UGT1A10: variants seen among roughly 807,000 people sequenced by gnomAD.
UGT1A10 encodes UDP glucuronosyltransferase family 1 member A10, also known as UDP-glucuronosyltransferase 1A10.
A neutral mutation model predicts 45.8 loss-of-function variants in UGT1A10; 49 were observed. That is an observed-to-expected ratio of 1.07 (90% confidence interval 0.85 to 1.36). The LOEUF (loss-of-function observed/expected upper bound fraction) is 1.36. Among genes scored for constraint, UGT1A10 ranks in the 40% most tolerant of loss-of-function variants. The probability of loss-of-function intolerance (pLI) is 0.00; values close to 1 mark genes in which losing one functional copy is unlikely to be tolerated. For synonymous variants in UGT1A10, 284 were observed against 249.7 expected, an observed-to-expected ratio of 1.14 and a Z score of -1.29; for missense variants, 745 against 668.6, an observed-to-expected ratio of 1.11 and a Z score of -1.26.
intron 1 of UGT1A10, among the ~76,000 whole-genome samples, chr2:233,656,193 C>A (rs1385264592): frequency 1.3e-5 from 2 of 152,202 alleles, no homozygotes; most frequent in African/African-American, 4.8e-5. Flanking sequence ...TTACATATGA[C>A]CCGTGTTCAC....
intron 1 of UGT1A10, among the ~76,000 whole-genome samples, chr2:233,688,255 A>G (rs2074884672): frequency 6.6e-6 from 1 of 152,210 alleles, no homozygotes; most frequent in South Asian, 2.1e-4. Context: ...TCATTCCTTT[A>G]CATGGCCGAA....
At chr2:233,682,865 A>C in intron 1 of UGT1A10, 1 of 1,527,428 alleles carries the variant, frequency 6.5e-7, no homozygotes, top group Non-Finnish European at 8.8e-7. Flanking sequence ...ACAGAATCAT[A>C]ATTTATCATT....
intron 1 of UGT1A10, among the ~76,000 whole-genome samples, chr2:233,764,040 T>A (rs1199805174): frequency 6.6e-6 from 1 of 152,160 alleles, no homozygotes; most frequent in East Asian, 1.9e-4. Flanking sequence ...AAAGAAGAAT[T>A]CTGGGAAAAT....
At chr2:233,661,926 T>C (rs1485809695) in intron 1 of UGT1A10, among the ~76,000 whole-genome samples, 1 of 152,062 alleles carries the variant, frequency 6.6e-6, no homozygotes, top group Non-Finnish European at 1.5e-5. Flanking sequence ...GTGAGATCAG[T>C]GTTTACTGTG....
chr2:233,709,539 A>G (rs537926734), intron 1 of UGT1A10, among the ~76,000 whole-genome samples: 8 of 152,276 alleles, frequency 5.3e-5, no homozygotes, highest in Non-Finnish European at 5.9e-5. Flanking sequence ...CTACTGTGAT[A>G]TATGTAAGTA....
At chr2:233,697,514 T>A (rs1185540245) in intron 1 of UGT1A10, among the ~76,000 whole-genome samples, 5 of 151,616 alleles carry the variant, frequency 3.3e-5, no homozygotes, top group African/African-American at 1.2e-4. Flanking sequence ...TTTTTTTTTT[T>A]TAAAAAACTT....
chr2:233,669,644 G>A (rs758766345), intron 1 of UGT1A10, among the ~76,000 whole-genome samples: 1 of 152,056 alleles, frequency 6.6e-6, no homozygotes, highest in East Asian at 1.9e-4. Context: ...ACCAACCCCC[G>A]AGCAGTAAAA....
intron 1 of UGT1A10, chr2:233,754,156 G>C (rs1695408372): frequency 6.5e-6 from 1 of 153,422 alleles, no homozygotes; most frequent in African/African-American, 2.4e-5. Flanking sequence ...AATTAAGCCA[G>C]AGTATTAATA....
rs1374250230 is a variant in UGT1A10, at chr2:233,725,069, C to T, written c.856-41965C>T. 4.1e-5 allele frequency among the ~76,000 whole-genome samples: 6 copies of T among 146,562 alleles called. 2 individuals carry two copies. Among genetic ancestry groups the T allele is most frequent in the Admixed American group, 2.7e-4 (4 of 14,618 alleles). ...AGGCGTGGCGGCGCGCGCCTGCAAT[C>T]GCAGGCACTCGGCAGGCTGAGGCAG... On this transcript the variant is annotated intron_variant, in intron 1 of 4. Transcript: ENST00000344644.
At chr2:233,672,392 G>C (rs916615602) in intron 1 of UGT1A10, 5 of 1,613,892 alleles carry the variant, frequency 3.1e-6, no homozygotes, top group Non-Finnish European at 4.2e-6. Flanking sequence ...TTTGATAACT[G>C]TGGCTTAATT....
chr2:233,724,170 C>G (rs1159618034), intron 1 of UGT1A10, among the ~76,000 whole-genome samples: 4 of 122,852 alleles, frequency 3.3e-5, no homozygotes, highest in Admixed American at 7.6e-5. Flanking sequence ...GCTGACCCCC[C>G]CATCTCCCTC....
chr2:233,650,819 A>G (rs1003425686), intron 1 of UGT1A10, among the ~76,000 whole-genome samples: 1 of 152,230 alleles, frequency 6.6e-6, no homozygotes, highest in Admixed American at 6.5e-5. Flanking sequence ...TTTGTTTGGC[A>G]CAAAGAAATT....
At chr2:233,646,885 C>T (rs2073618776) in intron 1 of UGT1A10, among the ~76,000 whole-genome samples, 1 of 152,208 alleles carries the variant, frequency 6.6e-6, no homozygotes, top group African/African-American at 2.4e-5. Flanking sequence ...TAGCAATCCA[C>T]TCTACTGGTA....
At chr2:233,698,599 A>G (rs1335683443) in intron 1 of UGT1A10, among the ~76,000 whole-genome samples, 2 of 152,236 alleles carry the variant, frequency 1.3e-5, no homozygotes, top group African/African-American at 2.4e-5. Flanking sequence ...AGAAATTCGG[A>G]TTAATAAACA....
At chr2:233,725,070 G>A (rs1181179601) in intron 1 of UGT1A10, among the ~76,000 whole-genome samples, 7 of 145,216 alleles carry the variant, frequency 4.8e-5, no homozygotes, top group East Asian at 2.1e-4. Context: ...GCCTGCAATC[G>A]CAGGCACTCG....
intron 1 of UGT1A10, among the ~76,000 whole-genome samples, chr2:233,684,708 A>T (rs2074694202): frequency 1.3e-5 from 2 of 152,034 alleles, no homozygotes; most frequent in African/African-American, 4.8e-5. Context: ...GTTATGTATT[A>T]ATGTATATAT....
In UGT1A10 at chr2:233,637,271, T is replaced by C; in HGVS notation, c.749T>C (p.Ile250Thr). 1 of 1,613,944 alleles carries C rather than the reference T, an allele frequency of 6.2e-7. No individual in the cohort carries two copies. The highest frequency in any genetic ancestry group is 8.5e-7 in the Non-Finnish European group (1 of 1,179,862). ...TATGATCTCTACAGTCACACATCAA[T>C]TTGGTTGTTGCGAACGGACTTTGTT... ...TAYDLYSHTSIWLLRTDFVLD... is the reference protein window; with the variant it reads ...TAYDLYSHTSTWLLRTDFVLD... Residue 250 changes from isoleucine (I) to threonine (T), a missense_variant, in exon 1 of 5, where the codon ATT (isoleucine) becomes ACT (threonine). Physicochemically the swap from Ile to Thr is moderately conservative, Grantham distance 89 (BLOSUM62 -1). Coordinates refer to ENST00000344644, the MANE Select transcript of UGT1A10 (RefSeq NM_019075.4).
In UGT1A10 at chr2:233,754,644, T is replaced by G. The variant is rs1255750118; in HGVS notation, c.856-12390T>G. 6 of 449,562 alleles carry G rather than the reference T, an allele frequency of 1.3e-5. No individual in the cohort carries two copies. In the Admixed American group the frequency reaches 1.5e-4, roughly 11 times the overall value. 27.8% of individuals were successfully genotyped at this position (449,562 alleles called of 1,614,324 possible). A position where few individuals can be genotyped will look rare whatever the true frequency, so the allele number is the denominator to read the frequency against. On this transcript the variant is annotated intron_variant, in intron 1 of 4. Coordinates refer to ENST00000344644, the MANE Select transcript of UGT1A10 (RefSeq NM_019075.4). ...CACTTCCACCCTTTCTTGGCCATTCTCAATGATTCTCTTGGTGGTGATTTT... is the reference window on the plus strand; with the variant it reads ...CACTTCCACCCTTTCTTGGCCATTCGCAATGATTCTCTTGGTGGTGATTTT...
At chr2:233,681,811 AT>A (rs1015363020) in intron 1 of UGT1A10, 88 of 1,486,588 alleles carry the variant, frequency 5.9e-5, no homozygotes, top group South Asian at 1.7e-4. Flanking sequence ...GTGAATGTGA[AT>A]TTTTTTTTAA....
Sources: gnomAD v4.1 joint callset for allele counts (sites outside exome capture counted in the v4.1 genomes callset) on GRCh38, gnomAD v4.1.1 for gene constraint, MANE v1.5 for transcripts, NCBI Gene and HGNC (gene_info 2026-07-23, HGNC 2026-07-21) for gene names.